The following PPP6R2 variants were observed in gnomAD, a reference collection of about 807,000 sequenced individuals.
The protein encoded by PPP6R2 is protein phosphatase 6 regulatory subunit 2.
A neutral mutation model predicts 100.2 loss-of-function variants in PPP6R2; 62 were observed. That is an observed-to-expected ratio of 0.62 (90% CI 0.50 to 0.76). The LOEUF (loss-of-function observed/expected upper bound fraction) is 0.76, where lower values mean the gene tolerates loss of function less well. PPP6R2 is among the 30% of genes least tolerant of loss of function. The probability of loss-of-function intolerance (pLI) is 0.00; values close to 1 mark genes in which losing one functional copy is unlikely to be tolerated. For synonymous variants in PPP6R2, 525 were observed against 514.7 expected (o/e 1.02, Z -0.27); for missense variants, 1,142 against 1,276.3 (o/e 0.89, Z 1.60).
chr22:50,378,271 G>C (rs2148630564), intron 2 of PPP6R2, among the ~76,000 whole-genome samples: 1 of 152,228 alleles, frequency 6.6e-6, no homozygotes, highest in East Asian at 1.9e-4. Flanking sequence ...CTTTATATCA[G>C]GAAAAATTAT....
rs554417019 is a variant in PPP6R2 at position 50,427,934 on chromosome 22, A to C, written c.1126-3239A>C. On this transcript the variant is annotated intron_variant, in intron 10 of 23. Transcript: ENST00000612753. Reference sequence around the variant, plus strand: ...ACAGGGTTTCACCATATTAGCCAGGACGGTCTCGATCTCCTGACCTCGTGA... The same window carrying C: ...ACAGGGTTTCACCATATTAGCCAGGCCGGTCTCGATCTCCTGACCTCGTGA... 3.2e-3 allele frequency among the ~76,000 whole-genome samples: 484 copies of C among 151,956 alleles called. 1 individual carries two copies. The highest frequency in any genetic ancestry group is 6.9e-3 in the Middle Eastern group (2 of 290).
At chr22:50,393,663 C>T (rs879024131) in intron 2 of PPP6R2, 1 of 968,768 alleles carries the variant, frequency 1.0e-6, no homozygotes, top group Non-Finnish European at 1.2e-6. Flanking sequence ...CTTTGTGAGC[C>T]CAACCTGGAG....
chr22:50,335,401 T>C, the PPP6R2 span, among the ~76,000 whole-genome samples: 18 of 151,642 alleles, frequency 1.2e-4, no homozygotes, highest in Admixed American at 9.9e-4. Context: ...GGTTTCACCA[T>C]ATTGGCCAGA....
At chr22:50,422,522 A>C in intron 9 of PPP6R2, 142 bp downstream of exon 9, 1 of 1,163,070 alleles carries the variant, frequency 8.6e-7, no homozygotes, top group South Asian at 1.7e-5. Flanking sequence ...CCACACCCCC[A>C]CTTGAGAAGC....
intron 22 of PPP6R2, among the ~76,000 whole-genome samples, chr22:50,442,109 C>T (rs565835271): frequency 4.6e-5 from 7 of 152,264 alleles, no homozygotes; most frequent in African/African-American, 9.6e-5. Context: ...CTGCCTGGAG[C>T]GGGGTGAGGG....
intron 2 of PPP6R2, among the ~76,000 whole-genome samples, chr22:50,380,509 C>T (rs995931970): frequency 3.1e-4 from 47 of 151,268 alleles, no homozygotes; most frequent in African/African-American, 1.1e-3. Context: ...TACAGGTGCC[C>T]GCCACCACAC....
upstream of PPP6R2, among the ~76,000 whole-genome samples, chr22:50,339,003 A>ATGTGG (rs961006292): frequency 3.2e-4 from 18 of 55,486 alleles, no homozygotes; most frequent in Admixed American, 1.7e-3. Flanking sequence ...TATGTGTGGT[A>ATGTGG]TGTGGTGTGT....
At chr22:50,430,428 A>G (rs944535876) in intron 10 of PPP6R2, among the ~76,000 whole-genome samples, 2 of 152,248 alleles carry the variant, frequency 1.3e-5, no homozygotes, top group African/African-American at 4.8e-5. Flanking sequence ...ATCATAAAGG[A>G]ACTTCTCACA....
chr22:50,340,432 G>GGT (rs1294909127), upstream of PPP6R2, among the ~76,000 whole-genome samples: 2 of 136,678 alleles, frequency 1.5e-5, no homozygotes, highest in Non-Finnish European at 1.6e-5. Flanking sequence ...TGGTGTGTGT[G>GGT]GTGTGTGTGG....
At chr22:50,351,615 A>T (rs1000270746) in intron 1 of PPP6R2, among the ~76,000 whole-genome samples, 2 of 151,766 alleles carry the variant, frequency 1.3e-5, no homozygotes, top group African/African-American at 4.8e-5. Flanking sequence ...CTATATCAGC[A>T]TTTGCTGTTT....
At position 50,438,213 on chromosome 22, in the gene PPP6R2, A is replaced by G. The variant is rs1228728733; in HGVS notation, c.1879A>G (p.Ile627Val). Reference protein sequence around the residue: ...ALFEACCSDRIQPFDDDEDED... With the variant: ...ALFEACCSDRVQPFDDDEDED... ...GTTTGAGGCCTGCTGCAGTGACCGC[A>G]TCCAGCCCTTTGATGATGATGAGGA... The change falls in exon 18 of 24, where the codon ATC becomes GTC. Residue 627 changes from isoleucine to valine, a missense_variant. By Grantham distance (29) the Ile-to-Val change is conservative (BLOSUM62 3). Transcript: ENST00000612753. 1.9e-6 allele frequency: 3 copies of G among 1,613,942 alleles called. No individual in the cohort carries two copies. The highest frequency in any genetic ancestry group is 3.3e-5 in the Admixed American group (2 of 60,016).
intron 12 of PPP6R2, among the ~76,000 whole-genome samples, chr22:50,433,481 T>C (rs550107185): frequency 3.6e-4 from 10 of 28,034 alleles, no homozygotes; most frequent in Admixed American, 5.0e-4. Context: ...GGGCTGGGGG[T>C]GCGGACGCTG....
chr22:50,359,037 A>G (rs1026877616), intron 1 of PPP6R2, among the ~76,000 whole-genome samples: 2 of 106,150 alleles, frequency 1.9e-5, no homozygotes, highest in African/African-American at 6.8e-5. Flanking sequence ...GTCTCACCCT[A>G]TTGCCAGGCT....
chr22:50,363,157 T>C (rs2048111108), intron 1 of PPP6R2, among the ~76,000 whole-genome samples: 1 of 152,240 alleles, frequency 6.6e-6, no homozygotes, highest in Non-Finnish European at 1.5e-5. Flanking sequence ...GTGCCCTGTG[T>C]CCTTGCACGG....
chr22:50,412,894 C>G (rs945564043), intron 4 of PPP6R2, among the ~76,000 whole-genome samples: 4 of 151,094 alleles, frequency 2.6e-5, no homozygotes, highest in Admixed American at 2.6e-4. Flanking sequence ...ATCCACCTGC[C>G]TCGTCCTCCC....
chr22:50,372,825 A>G (rs761734549), intron 2 of PPP6R2, among the ~76,000 whole-genome samples: 1 of 151,690 alleles, frequency 6.6e-6, no homozygotes, highest in Non-Finnish European at 1.5e-5. Flanking sequence ...AGTAGCTGGG[A>G]CTACAGGCAC....
upstream of PPP6R2, among the ~76,000 whole-genome samples, chr22:50,340,266 GGT>G (rs1174844804): frequency 7.6e-6 from 1 of 130,836 alleles, no homozygotes; most frequent in African/African-American, 2.9e-5. Flanking sequence ...GGGTGTGTGT[GGT>G]GTGTGTGGTA....
At chr22:50,439,307 A>G (rs1384248054) in intron 19 of PPP6R2, among the ~76,000 whole-genome samples, 1 of 152,112 alleles carries the variant, frequency 6.6e-6, no homozygotes, top group Non-Finnish European at 1.5e-5. Flanking sequence ...GGAACATCCC[A>G]GATAGGAGGA....
chr22:50,400,832 T>C (rs2057897807), intron 3 of PPP6R2, among the ~76,000 whole-genome samples: 2 of 152,242 alleles, frequency 1.3e-5, no homozygotes, highest in Non-Finnish European at 2.9e-5. Flanking sequence ...TGAACCCTTT[T>C]AGTCTGTACA....
Sources: gnomAD v4.1 joint callset for allele counts (sites outside exome capture counted in the v4.1 genomes callset) on GRCh38, gnomAD v4.1.1 for gene constraint, MANE v1.5 for transcripts, NCBI Gene and HGNC (gene_info 2026-07-23, HGNC 2026-07-21) for gene names.